The following OTUD7A variants were observed in gnomAD, a reference collection of about 807,000 sequenced individuals.
OTUD7A encodes OTU deubiquitinase 7A, also known as OTU domain-containing protein 7A.
A neutral mutation model predicts 65.7 loss-of-function variants in OTUD7A; 12 were observed. That is an observed-to-expected ratio of 0.18 (90% CI 0.12 to 0.30). The LOEUF (loss-of-function observed/expected upper bound fraction) is 0.30, where lower values mean the gene tolerates loss of function less well. Ranked by LOEUF, OTUD7A falls within the 10% of genes least tolerant of loss-of-function variation. The probability of loss-of-function intolerance (pLI) is 1.00; values close to 1 mark genes in which losing one functional copy is unlikely to be tolerated. For missense variants in OTUD7A, 1,148 were observed against 1,304.8 expected (o/e 0.88, Z 1.85); for synonymous variants, 641 against 586.3 (o/e 1.09, Z -1.35).
chr15:31,509,100 GT>G (rs2041632936), intron 8 of OTUD7A, among the ~76,000 whole-genome samples: 1 of 151,976 alleles, frequency 6.6e-6, no homozygotes, highest in Non-Finnish European at 1.5e-5. Context: ...TGACTATAAG[GT>G]AAGGTTTTTA....
intron 1 of OTUD7A, among the ~76,000 whole-genome samples, chr15:31,774,280 G>A (rs1895313742): frequency 6.6e-6 from 1 of 152,260 alleles, no homozygotes; most frequent in Non-Finnish European, 1.5e-5. Flanking sequence ...TGCCAGCTGA[G>A]TCAGTCAGCC....
intron 10 of OTUD7A, among the ~76,000 whole-genome samples, chr15:31,495,710 A>G (rs1041575477): frequency 6.6e-6 from 1 of 152,224 alleles, no homozygotes; most frequent in Non-Finnish European, 1.5e-5. Context: ...CTTAGAAAGT[A>G]GCCAAGAGAA....
chr15:31,511,093 C>CAT lies in OTUD7A; in HGVS notation c.894-7277_894-7276dup, dbSNP rs200506313. Among the ~76,000 whole-genome samples, 2 of 15,078 alleles carry CAT rather than the reference C, an allele frequency of 1.3e-4. 1 individual carries two copies. The highest frequency in any genetic ancestry group is 2.2e-4 in the Non-Finnish European group (2 of 9,282). 9.9% of individuals were successfully genotyped at this position (15,078 alleles called of 152,430 possible). A position where few individuals can be genotyped will look rare whatever the true frequency, so the allele number is the denominator to read the frequency against. ...TATATGTATATCTATATGTAACATA[C>CAT]ATATGTATATCTATATGTAACATAC... On this transcript the variant is annotated intron_variant, in intron 8 of 12. Transcript: ENST00000307050.
chr15:31,503,168 T>G (rs181298351), intron 9 of OTUD7A, among the ~76,000 whole-genome samples: 15 of 152,330 alleles, frequency 9.8e-5, no homozygotes, highest in African/African-American at 3.6e-4. Flanking sequence ...AGGAACATTC[T>G]AGAAGGGGCT....
chr15:31,687,836 G>C (rs1187555893), intron 1 of OTUD7A, among the ~76,000 whole-genome samples: 1 of 152,180 alleles, frequency 6.6e-6, no homozygotes, highest in Admixed American at 6.5e-5. Flanking sequence ...TAAGATCACT[G>C]GATGAAAATC....
At chr15:31,841,504 C>A (rs963330717) in intron 1 of OTUD7A, among the ~76,000 whole-genome samples, 3 of 152,178 alleles carry the variant, frequency 2.0e-5, no homozygotes, top group Admixed American at 6.5e-5. Flanking sequence ...ACTTCCCTTA[C>A]TACCCACCGA....
At chr15:31,697,762 A>G (rs1893117702) in intron 1 of OTUD7A, among the ~76,000 whole-genome samples, 1 of 152,360 alleles carries the variant, frequency 6.6e-6, no homozygotes, top group East Asian at 1.9e-4. Context: ...GAGGAGTGAG[A>G]CAACCTGCCC....
At chr15:31,598,161 A>G (rs887030507) in intron 3 of OTUD7A, among the ~76,000 whole-genome samples, 2 of 152,164 alleles carry the variant, frequency 1.3e-5, no homozygotes. Flanking sequence ...CCTATTTGAC[A>G]TGTGGGCACG....
intron 1 of OTUD7A, among the ~76,000 whole-genome samples, chr15:31,776,957 A>T (rs939495573): frequency 6.6e-6 from 1 of 152,102 alleles, no homozygotes; most frequent in Non-Finnish European, 1.5e-5. Context: ...ATAATAAAAA[A>T]ATGCTAAAAA....
intron 1 of OTUD7A, among the ~76,000 whole-genome samples, chr15:31,670,053 C>T (rs1384651108): frequency 6.9e-6 from 1 of 144,068 alleles, no homozygotes; most frequent in Non-Finnish European, 1.5e-5. Context: ...TGTGGGTCCT[C>T]TCAGGACTGC....
At chr15:31,752,299 T>C (rs1181171121) in intron 1 of OTUD7A, among the ~76,000 whole-genome samples, 1 of 152,184 alleles carries the variant, frequency 6.6e-6, no homozygotes, top group East Asian at 1.9e-4. Flanking sequence ...CTATGTTGTT[T>C]TGGATGACGT....
At chr15:31,565,157 T>C (rs1888825377) in intron 4 of OTUD7A, among the ~76,000 whole-genome samples, 1 of 152,178 alleles carries the variant, frequency 6.6e-6, no homozygotes, top group African/African-American at 2.4e-5. Flanking sequence ...ATCCAAGATA[T>C]AGATTCAATA....
At chr15:31,783,485 T>A (rs1400053091) in intron 1 of OTUD7A, among the ~76,000 whole-genome samples, 1 of 152,218 alleles carries the variant, frequency 6.6e-6, no homozygotes, top group African/African-American at 2.4e-5. Flanking sequence ...CCAGTAGTCT[T>A]CATATTCTTC....
intron 1 of OTUD7A, among the ~76,000 whole-genome samples, chr15:31,757,026 G>A (rs1894836412): frequency 6.6e-6 from 1 of 152,158 alleles, no homozygotes; most frequent in African/African-American, 2.4e-5. Flanking sequence ...CCACTGGACT[G>A]AGCAGGGTTA....
chr15:31,549,716 A>G (rs1403815553), intron 5 of OTUD7A, among the ~76,000 whole-genome samples: 1 of 152,094 alleles, frequency 6.6e-6, no homozygotes, highest in African/African-American at 2.4e-5. Context: ...GAGAGAGGAG[A>G]GATTCTCTGG....
At chr15:31,529,775 C>G (rs1455942173) in intron 6 of OTUD7A, among the ~76,000 whole-genome samples, 1 of 152,206 alleles carries the variant, frequency 6.6e-6, no homozygotes, top group African/African-American at 2.4e-5. Flanking sequence ...GGGGCTGGCC[C>G]TTGATGTAGG....
intron 3 of OTUD7A, among the ~76,000 whole-genome samples, chr15:31,584,936 T>TA (rs746170444): frequency 1.3e-5 from 2 of 152,210 alleles, no homozygotes; most frequent in Non-Finnish European, 2.9e-5. Flanking sequence ...GAGGAGAAAT[T>TA]AAACTCTTAA....
At chr15:31,591,423 T>C (rs1889721103) in intron 3 of OTUD7A, among the ~76,000 whole-genome samples, 1 of 152,108 alleles carries the variant, frequency 6.6e-6, no homozygotes. Context: ...TAATTTTGAT[T>C]TGTAAACTGG....
At chr15:31,867,714 C>G (rs1342831455) in intron 1 of OTUD7A, among the ~76,000 whole-genome samples, 1 of 152,194 alleles carries the variant, frequency 6.6e-6, no homozygotes, top group African/African-American at 2.4e-5. Flanking sequence ...CTCACTTCCG[C>G]AGTCTGAGAA....
Sources: gnomAD v4.1 joint callset for allele counts (sites outside exome capture counted in the v4.1 genomes callset) on GRCh38, gnomAD v4.1.1 for gene constraint, MANE v1.5 for transcripts, NCBI Gene and HGNC (gene_info 2026-07-23, HGNC 2026-07-21) for gene names.